Variants in ZNF606 observed in about 807,000 individuals in gnomAD.
The protein encoded by ZNF606 is zinc finger protein 606, also known as zinc finger protein 328.
In ZNF606, 37 loss-of-function variants were observed where a neutral mutation model predicts 74.9. The observed-to-expected ratio is 0.49, with a 90% CI of 0.38 to 0.65. ZNF606 has a LOEUF of 0.65. Ranked by LOEUF, ZNF606 falls within the 30% of genes least tolerant of loss-of-function variation. The pLI, the probability that ZNF606 is intolerant of heterozygous loss-of-function variation, is 0.00. For missense variants in ZNF606, 852 were observed against 952.9 expected (o/e 0.89, Z 1.39); for synonymous variants, 328 against 312.4 (o/e 1.05, Z -0.53).
chr19:57,999,836 GC>G lies in ZNF606; in HGVS notation c.148del (p.Ala50ProfsTer13). ...VEGSLEEGRR[A>X]TGLPAAQVQE... The stretch of plus-strand genomic sequence containing the variant: ...AACCTGGGCTGCTGGGAGCCCAGTG[GC>G]CCTCCTCCCCTCCTCCAGGCTTCCC... On this transcript the variant is annotated frameshift_variant, in exon 4 of 7. Coordinates refer to ENST00000551380, the MANE Select transcript of ZNF606 (RefSeq NM_001348022.3). LOFTEE classifies it high-confidence loss of function. 1 of 1,613,964 alleles carries G rather than the reference GC, an allele frequency of 6.2e-7. No homozygotes were observed. The highest frequency in any genetic ancestry group is 1.7e-4 in the Middle Eastern group (1 of 6,060).
Position 58,002,767 on chromosome 19 carries a change from G to C in ZNF606, c.-423C>G. On this transcript the variant is annotated 5_prime_UTR_variant, in exon 1 of 7. Coordinates refer to ENST00000551380, the MANE Select transcript of ZNF606 (RefSeq NM_001348022.3). The stretch of plus-strand genomic sequence containing the variant: ...CAGCTACGGCGGCCCCACAGCCTGA[G>C]CAAAGGCCTCACCTCAGCCGCGGAC... The C allele has an allele frequency of 2.2e-6, 1 of 454,494 alleles. No individual in the cohort carries two copies. The highest frequency in any genetic ancestry group is 1.6e-5 in the South Asian group (1 of 64,462). 28.2% of individuals were successfully genotyped at this position (454,494 alleles called of 1,614,324 possible).
rs1329711313 is a variant in ZNF606, at chr19:58,000,599, C to T, written c.88+84G>A. On this transcript the variant is annotated intron_variant, in intron 3 of 6. Transcript: ENST00000551380. ...CCTGCCCTAAAGCCCCACCTGGTCC[C>T]CATTCTATTCCCCAGCTGTGGCAGA... 3.5e-6 allele frequency: 5 copies of T among 1,439,314 alleles called. No individual in the cohort carries two copies. In the African/African-American group the frequency reaches 7.0e-5, roughly 20 times the overall value. The allele number at this position is 1,439,314 out of a possible 1,614,324, so 89.2% of individuals were successfully genotyped here. A position where few individuals can be genotyped will look rare whatever the true frequency, so the allele number is the denominator to read the frequency against.
intron 6 of ZNF606, among the ~76,000 whole-genome samples, chr19:57,983,689 A>T (rs955636749): frequency 6.6e-6 from 1 of 152,182 alleles, no homozygotes; most frequent in Non-Finnish European, 1.5e-5. Flanking sequence ...AACTGAAGTG[A>T]TCGAGGATGG....
chr19:57,990,051 CAAAA>C (rs1159494660), intron 4 of ZNF606, among the ~76,000 whole-genome samples: 7 of 13,840 alleles, frequency 5.1e-4, no homozygotes, highest in South Asian at 5.7e-3. Context: ...GACTCCATCT[CAAAA>C]AAAAAAAAAA....
At chr19:57,998,075 T>A (rs758306898) in intron 4 of ZNF606, 8 of 152,234 alleles carry the variant, frequency 5.3e-5, no homozygotes, top group Non-Finnish European at 1.0e-4. Context: ...ACATCATTTT[T>A]AAATCTTGTT....
intron 3 of ZNF606, chr19:58,000,174 A>G (rs2073398181): frequency 4.0e-6 from 2 of 498,748 alleles, no homozygotes; most frequent in South Asian, 3.3e-5. Flanking sequence ...ACGGCCACAC[A>G]TGAATTCTCA....
At chr19:57,988,183 G>A in intron 6 of ZNF606, 24 bp downstream of exon 6, 1 of 1,597,386 alleles carries the variant, frequency 6.3e-7, no homozygotes, top group Non-Finnish European at 8.5e-7. Context: ...GAAGTTCCTT[G>A]TTCAGCCTGG....
chr19:58,000,995 G>C (rs1032731697), intron 2 of ZNF606, among the ~76,000 whole-genome samples: 1 of 151,962 alleles, frequency 6.6e-6, no homozygotes. Flanking sequence ...ATATATGAGA[G>C]CAGTAGAGAC....
chr19:57,991,118 C>T (rs928638924), intron 4 of ZNF606, among the ~76,000 whole-genome samples: 4 of 152,196 alleles, frequency 2.6e-5, no homozygotes, highest in African/African-American at 9.6e-5. Context: ...CCTTGTCTTC[C>T]AGCCTTACCC....
intron 5 of ZNF606, 79 bp downstream of exon 5, chr19:57,988,516 C>T: frequency 3.9e-6 from 6 of 1,552,524 alleles, no homozygotes; most frequent in African/African-American, 2.7e-5. Context: ...CTCGCCCCTG[C>T]AATGAGCTTC....
chr19:57,989,403 C>T (rs2073216138), intron 4 of ZNF606, among the ~76,000 whole-genome samples: 1 of 151,948 alleles, frequency 6.6e-6, no homozygotes, highest in Admixed American at 6.6e-5. Flanking sequence ...TAATCTAAGT[C>T]TGATTTTTCC....
intron 1 of ZNF606, chr19:58,002,144 T>C (rs1271201055): frequency 4.4e-6 from 2 of 456,598 alleles, no homozygotes; most frequent in African/African-American, 2.0e-5. Context: ...TATTTGCAAC[T>C]TGACAGTGAC....
chr19:58,000,857 G>T, intron 2 of ZNF606, 118 bp from the exon 3 acceptor site: 2 of 969,036 alleles, frequency 2.1e-6, no homozygotes, highest in Non-Finnish European at 3.0e-6. Context: ...CAGAGCCCAA[G>T]GGTGTGTAAA....
intron 6 of ZNF606, among the ~76,000 whole-genome samples, chr19:57,987,704 T>A (rs904018868): frequency 3.9e-5 from 6 of 152,040 alleles, no homozygotes; most frequent in African/African-American, 1.2e-4. Context: ...GGCGGGTGCC[T>A]GTAATCCCAG....
chr19:57,988,928 C>T (rs2073208742), intron 4 of ZNF606, among the ~76,000 whole-genome samples: 2 of 152,196 alleles, frequency 1.3e-5, no homozygotes, highest in Admixed American at 1.3e-4. Context: ...GAATTAGATA[C>T]CTGGGTCCAC....
At chr19:58,001,440 G>A in intron 1 of ZNF606, 70 bp from the exon 2 acceptor site, 1 of 1,259,506 alleles carries the variant, frequency 7.9e-7, no homozygotes, top group Non-Finnish European at 1.1e-6. Context: ...ACAAAGAAGG[G>A]AATCCATCCA....
intron 4 of ZNF606, among the ~76,000 whole-genome samples, chr19:57,993,246 C>G (rs2073286762): frequency 6.6e-6 from 1 of 152,118 alleles, no homozygotes; most frequent in Non-Finnish European, 1.5e-5. Context: ...CTGTGGTAGT[C>G]TATTACAATA....
rs1339289637 is a variant in ZNF606 at position 57,979,629 on chromosome 19, C to T, written c.1051G>A (p.Glu351Lys). Residue 351 changes from glutamate to lysine, a missense_variant, in exon 7 of 7, where the codon GAG becomes AAG. This residue lies in a region of ZNF606 where 545 missense variants were observed against 542.5 expected (regional missense o/e 1.00). Transcript: ENST00000551380. The stretch of plus-strand genomic sequence containing the variant: ...AAGGATGAGAAATAAAAGATATTCT[C>T]ATATTCTTTGTAATTATACTGGTTT... Reference protein sequence around the residue: ...GENQYNYKEYENIFYFSSFME... With the variant: ...GENQYNYKEYKNIFYFSSFME... The T allele has an allele frequency of 1.9e-6, 3 of 1,613,398 alleles. No individual in the cohort carries two copies. The African/African-American group carries it at 4.0e-5, about 22-fold the overall frequency.
chr19:58,001,348 C>A lies in ZNF606; in HGVS notation c.-29G>T, dbSNP rs1398822568. On this transcript the variant is annotated 5_prime_UTR_variant, in exon 2 of 7. Coordinates refer to ENST00000551380, the MANE Select transcript of ZNF606 (RefSeq NM_001348022.3). Reference sequence around the variant, plus strand: ...GAGGACTGATTGACCAGGCACCTGCCCAGGAACACAGCAAATCCCAACCTA... The same window carrying A: ...GAGGACTGATTGACCAGGCACCTGCACAGGAACACAGCAAATCCCAACCTA... 1.2e-6 allele frequency: 2 copies of A among 1,613,874 alleles called. No homozygotes were observed. The highest frequency in any genetic ancestry group is 4.5e-5 in the East Asian group (2 of 44,890).
Sources: gnomAD v4.1 joint callset for allele counts (sites outside exome capture counted in the v4.1 genomes callset) on GRCh38, gnomAD v4.1.1 for gene constraint, gnomAD v4.1.1 regional missense constraint, MANE v1.5 for transcripts, NCBI Gene and HGNC (gene_info 2026-07-23, HGNC 2026-07-21) for gene names.